The following NUP205 variants were observed in gnomAD, a reference collection of about 807,000 sequenced individuals.
NUP205 encodes nuclear pore complex protein Nup205.
NUP205 carries 76 observed loss-of-function variants against 253.8 expected under a neutral mutation model. The ratio of observed to expected loss-of-function variants is 0.30; its 90% CI spans 0.25 to 0.36. The LOEUF is 0.36. Among genes scored for constraint, NUP205 ranks in the 10% least tolerant of loss-of-function variants. The probability of loss-of-function intolerance (pLI) is 1.00; values close to 1 mark genes in which losing one functional copy is unlikely to be tolerated. For missense variants in NUP205, 2,162 were observed against 2,425.5 expected (o/e 0.89, Z 2.28); for synonymous variants, 832 against 850.1 (o/e 0.98, Z 0.37).
chr7:135,609,473 G>C (rs1347741039), intron 22 of NUP205, among the ~76,000 whole-genome samples: 1 of 136,038 alleles, frequency 7.4e-6, no homozygotes, highest in African/African-American at 2.8e-5. Context: ...GCGAAACTCT[G>C]TCCCAGAAAA....
Position 135,638,642 on chromosome 7 carries a change from C to G in NUP205, c.5351C>G (p.Pro1784Arg), listed in dbSNP as rs1237929581. ...CAGCATGCTGTGTGTCTCTTCACTC[C>G]TAGCCTTTCAGAAACAGTTAATAGA... ...TFQHAVCLFTPSLSETVNRDG... is the reference protein window; with the variant it reads ...TFQHAVCLFTRSLSETVNRDG... The change falls in exon 38 of 43, where the codon CCT (proline) becomes CGT (arginine). Residue 1784 changes from proline (P) to arginine (R), a missense_variant. Pro to Arg is a moderately radical substitution (Grantham distance 103). Transcript: ENST00000285968. 2 of 1,613,996 alleles carry G rather than the reference C, an allele frequency of 1.2e-6. No homozygotes were observed. The highest frequency in any genetic ancestry group is 1.7e-5 in the Admixed American group (1 of 60,000).
At chr7:135,583,037 T>G (rs1255841020) in intron 7 of NUP205, among the ~76,000 whole-genome samples, 4 of 151,916 alleles carry the variant, frequency 2.6e-5, no homozygotes, top group African/African-American at 9.7e-5. Context: ...TTGCAGTGAG[T>G]TGAGATCGTG....
intron 8 of NUP205, 105 bp from the exon 9 acceptor site, chr7:135,587,470 A>AT (rs1806498685): frequency 1.9e-6 from 1 of 519,070 alleles, no homozygotes; most frequent in Non-Finnish European, 3.2e-6. Context: ...ATATTTAAAA[A>AT]ATATATTCTT....
chr7:135,590,850 C>T (rs932957213), intron 10 of NUP205, among the ~76,000 whole-genome samples: 1 of 152,100 alleles, frequency 6.6e-6, no homozygotes, highest in African/African-American at 2.4e-5. Flanking sequence ...TTAAACCTAG[C>T]TGATTTAATA....
At chr7:135,638,953 G>T (rs1016451142) in intron 38 of NUP205, among the ~76,000 whole-genome samples, 4 of 152,142 alleles carry the variant, frequency 2.6e-5, no homozygotes, top group African/African-American at 9.7e-5. Context: ...ATCTAAATTG[G>T]GGAGTCAGGT....
chr7:135,559,491 C>T (rs1805520654), intron 1 of NUP205, among the ~76,000 whole-genome samples: 2 of 152,072 alleles, frequency 1.3e-5, no homozygotes, highest in South Asian at 4.1e-4. Context: ...CTGCCTCAGC[C>T]TCCTGAGTAG....
chr7:135,647,060 C>T (rs988018059), intron 42 of NUP205, among the ~76,000 whole-genome samples: 1 of 152,202 alleles, frequency 6.6e-6, no homozygotes, highest in Non-Finnish European at 1.5e-5. Context: ...ACACTGTGCT[C>T]TTACTAACCT....
At chr7:135,640,268 C>A (rs747161543) in intron 38 of NUP205, among the ~76,000 whole-genome samples, 3 of 152,080 alleles carry the variant, frequency 2.0e-5, no homozygotes, top group Non-Finnish European at 4.4e-5. Flanking sequence ...TCAACCTTAT[C>A]CTATATAAAT....
chr7:135,647,561 C>G (rs1362005721), intron 42 of NUP205, among the ~76,000 whole-genome samples: 4 of 152,290 alleles, frequency 2.6e-5, no homozygotes, highest in Middle Eastern at 3.4e-3. Context: ...ACTCCATTAC[C>G]CAGGCTGGCA....
At position 135,578,788 on chromosome 7, in the gene NUP205, G is replaced by C. The variant is rs748473488; in HGVS notation, c.915G>C (p.Gln305His). 1.2e-6 allele frequency: 2 copies of C among 1,608,498 alleles called. No individual in the cohort carries two copies. The highest frequency in any genetic ancestry group is 2.7e-5 in the African/African-American group (2 of 74,746). Residue 305 changes from glutamine to histidine, a missense_variant, in exon 7 of 43, where the codon CAG (glutamine) becomes CAC (histidine). Around this residue, in one of 5 missense-constraint regions of NUP205, gnomAD observed 892 missense variants for 957.1 expected, o/e 0.93. Transcript: ENST00000285968. ...AACTTCCACTGTTGACAGAAAAACAGTACATTGCAACAATTCACTCTCGTC... is the reference window on the plus strand; with the variant it reads ...AACTTCCACTGTTGACAGAAAAACACTACATTGCAACAATTCACTCTCGTC... The part of the protein sequence containing the change: ...IHQLPLLTEK[Q>H]YIATIHSRLQ...
chr7:135,612,049 C>T (rs532506173), intron 22 of NUP205, among the ~76,000 whole-genome samples: 1 of 151,930 alleles, frequency 6.6e-6, no homozygotes, highest in East Asian at 1.9e-4. Context: ...GAACCCGGGA[C>T]GTGGAGCTTG....
Position 135,615,900 on chromosome 7 carries a change from C to T in NUP205, c.3311-16C>T. 2 of 1,593,436 alleles carry T rather than the reference C, an allele frequency of 1.3e-6. No individual in the cohort carries two copies. Among genetic ancestry groups the T allele is most frequent in the Non-Finnish European group, 1.7e-6 (2 of 1,168,836 alleles). On this transcript the variant is annotated splice_polypyrimidine_tract_variant and intron_variant, in intron 23 of 42. Coordinates refer to ENST00000285968, the MANE Select transcript of NUP205 (RefSeq NM_015135.3). ...TTATTACTCTGGGAAACAAAATTTA[C>T]ATGTTTAAATTCTAGAATATGAAAT...
chr7:135,640,576 G>A (rs77958581), intron 38 of NUP205, among the ~76,000 whole-genome samples: 5,962 of 152,190 alleles, frequency 0.039, 225 homozygotes, highest in African/African-American at 0.098. Context: ...TCTCCTACCA[G>A]TGTCTGCTTC....
intron 6 of NUP205, among the ~76,000 whole-genome samples, 188 bp from the exon 7 acceptor site, chr7:135,578,558 ATTTTC>A (rs1806216906): frequency 6.6e-6 from 1 of 152,184 alleles, no homozygotes. Flanking sequence ...GATTATTGTC[ATTTTC>A]TTTTTTTGTT....
chr7:135,632,476 G>A (rs1433916533), intron 35 of NUP205, among the ~76,000 whole-genome samples: 1 of 151,724 alleles, frequency 6.6e-6, no homozygotes, highest in Non-Finnish European at 1.5e-5. Context: ...ATGTTGCTTT[G>A]GAGATGTCTG....
intron 35 of NUP205, among the ~76,000 whole-genome samples, chr7:135,635,098 GA>G (rs143275560): frequency 0.015 from 2,284 of 152,210 alleles, 64 homozygotes; most frequent in African/African-American, 0.052. Context: ...GGGTCATTTC[GA>G]TTTAGGAATT....
chr7:135,593,749 G>A (rs909850953), intron 12 of NUP205, among the ~76,000 whole-genome samples: 10 of 152,088 alleles, frequency 6.6e-5, no homozygotes, highest in African/African-American at 2.4e-4. Flanking sequence ...TAAGTTTTTG[G>A]CTTTTCTAAT....
intron 18 of NUP205, among the ~76,000 whole-genome samples, chr7:135,603,287 G>A (rs1013477421): frequency 1.3e-5 from 2 of 151,504 alleles, no homozygotes; most frequent in Admixed American, 6.6e-5. Context: ...AGCTATTTTT[G>A]TGTTTTTGGT....
intron 14 of NUP205, 184 bp from the exon 15 acceptor site, chr7:135,597,814 T>C: frequency 1.8e-6 from 1 of 563,130 alleles, no homozygotes; most frequent in Non-Finnish European, 3.1e-6. Flanking sequence ...TTTGGAGTTC[T>C]TCCATCTGAC....
Sources: allele counts gnomAD v4.1 joint callset (sites outside exome capture counted in the v4.1 genomes callset), GRCh38; gene constraint gnomAD v4.1.1; regional missense constraint gnomAD v4.1.1; transcripts MANE v1.5; gene names NCBI Gene and HGNC (gene_info 2026-07-23, HGNC 2026-07-21).